RRAS2: variants seen among roughly 807,000 people sequenced by gnomAD.
The protein encoded by RRAS2 is RAS related 2.
RRAS2 carries 7 observed loss-of-function variants against 27.6 expected under a neutral mutation model. The observed-to-expected ratio is 0.25, with a 90% CI of 0.14 to 0.48. The LOEUF (loss-of-function observed/expected upper bound fraction) is 0.48, where lower values mean the gene tolerates loss of function less well. RRAS2 is among the 20% of genes least tolerant of loss of function. The pLI is 0.99. For missense variants in RRAS2, 178 were observed against 256.2 expected (o/e 0.69, Z 2.08); for synonymous variants, 86 against 90.9 (o/e 0.95, Z 0.31).
chr11:14,350,685 T>C (rs565003194), intron 1 of RRAS2, among the ~76,000 whole-genome samples: 2 of 151,726 alleles, frequency 1.3e-5, no homozygotes, highest in Non-Finnish European at 2.9e-5. Flanking sequence ...AAACTAACGA[T>C]AGCTGACGAG....
At chr11:14,323,088 A>T (rs1848261644) in intron 1 of RRAS2, among the ~76,000 whole-genome samples, 1 of 152,242 alleles carries the variant, frequency 6.6e-6, no homozygotes, top group Non-Finnish European at 1.5e-5. Context: ...ACTTTATGCA[A>T]TAAATATGAA....
intron 4 of RRAS2, among the ~76,000 whole-genome samples, chr11:14,289,465 G>A (rs1849751739): frequency 6.6e-6 from 1 of 152,082 alleles, no homozygotes; most frequent in African/African-American, 2.4e-5. Flanking sequence ...TTCAAGTGTT[G>A]TTATATTTAC....
rs1002441109 is a variant in RRAS2 at position 14,311,854 on chromosome 11, T to C, written c.109-15999A>G. On this transcript the variant is annotated intron_variant, in intron 1 of 5. Transcript: ENST00000256196. Reference sequence around the variant, plus strand: ...AACAAGATATGTCATGGTAGCTTTGTTACTGTGAAAAACTTTTTTTTTTTT... The same window carrying C: ...AACAAGATATGTCATGGTAGCTTTGCTACTGTGAAAAACTTTTTTTTTTTT... Among the ~76,000 whole-genome samples the C allele has an allele frequency of 2.2e-4, 33 of 151,912 alleles. 1 individual carries two copies. The highest frequency in any genetic ancestry group is 4.4e-4 in the Non-Finnish European group (30 of 67,958).
intron 1 of RRAS2, among the ~76,000 whole-genome samples, chr11:14,356,417 A>C (rs1344595616): frequency 6.6e-6 from 1 of 152,216 alleles, no homozygotes; most frequent in Non-Finnish European, 1.5e-5. Context: ...ATGTTACAGA[A>C]CTGTAGGCAT....
intron 1 of RRAS2, among the ~76,000 whole-genome samples, chr11:14,345,096 T>C (rs1304880031): frequency 2.6e-5 from 4 of 151,344 alleles, no homozygotes; most frequent in African/African-American, 9.7e-5. Context: ...AAGAGATTCT[T>C]CTGCCTTAGC....
At chr11:14,345,515 AGAC>A (rs2134028679) in intron 1 of RRAS2, among the ~76,000 whole-genome samples, 1 of 152,348 alleles carries the variant, frequency 6.6e-6, no homozygotes, top group East Asian at 1.9e-4. Flanking sequence ...AAGGTGAACC[AGAC>A]ACAGATCGTT....
chr11:14,280,401 T>C (rs1849491413), intron 5 of RRAS2, among the ~76,000 whole-genome samples: 2 of 152,156 alleles, frequency 1.3e-5, no homozygotes, highest in South Asian at 4.2e-4. Context: ...AAGTAGAAGA[T>C]CATCGCTCAG....
chr11:14,306,891 T>TAAA (rs11287532), intron 1 of RRAS2, among the ~76,000 whole-genome samples: 1 of 133,180 alleles, frequency 7.5e-6, no homozygotes, highest in South Asian at 2.4e-4. Flanking sequence ...TGTGCCAAGA[T>TAAA]AAAAAAAAAA....
At chr11:14,303,173 T>TG (rs1847755066) in intron 1 of RRAS2, among the ~76,000 whole-genome samples, 1 of 152,254 alleles carries the variant, frequency 6.6e-6, no homozygotes, top group Non-Finnish European at 1.5e-5. Context: ...TCTCAACTTC[T>TG]GTCTTATTAG....
chr11:14,304,909 A>G (rs748802756), intron 1 of RRAS2, among the ~76,000 whole-genome samples: 2 of 152,312 alleles, frequency 1.3e-5, no homozygotes, highest in East Asian at 1.9e-4. Flanking sequence ...AATGTTTCCA[A>G]TATGCTTGAT....
intron 1 of RRAS2, among the ~76,000 whole-genome samples, chr11:14,307,545 A>G (rs1210617615): frequency 6.6e-6 from 1 of 151,846 alleles, no homozygotes; most frequent in Non-Finnish European, 1.5e-5. Context: ...CCACCATTTT[A>G]CAGATGAGAC....
At chr11:14,283,123 G>A (rs1849583897) in intron 4 of RRAS2, among the ~76,000 whole-genome samples, 1 of 152,134 alleles carries the variant, frequency 6.6e-6, no homozygotes, top group Non-Finnish European at 1.5e-5. Flanking sequence ...GCGTTTATCA[G>A]GAATGGATGG....
At chr11:14,325,811 G>C (rs1320944757) in intron 1 of RRAS2, among the ~76,000 whole-genome samples, 1 of 152,128 alleles carries the variant, frequency 6.6e-6, no homozygotes, top group Non-Finnish European at 1.5e-5. Context: ...TGTAGAAGTA[G>C]TCTTTTTGTT....
At chr11:14,339,939 C>A (rs1188124124) in intron 1 of RRAS2, among the ~76,000 whole-genome samples, 1 of 151,746 alleles carries the variant, frequency 6.6e-6, no homozygotes, top group African/African-American at 2.4e-5. Flanking sequence ...TATGGAGAGA[C>A]CCCGTCCCTA....
intron 1 of RRAS2, among the ~76,000 whole-genome samples, chr11:14,333,711 C>G (rs527702566): frequency 9.4e-4 from 136 of 145,096 alleles, no homozygotes; most frequent in African/African-American, 3.1e-3. Context: ...GCAGCGATCA[C>G]AGCTCACTGC....
chr11:14,314,019 G>C (rs951780583), intron 1 of RRAS2, among the ~76,000 whole-genome samples: 5 of 152,124 alleles, frequency 3.3e-5, no homozygotes, highest in Admixed American at 2.0e-4. Context: ...CTTCATTGTA[G>C]AAAATCTGGA....
At chr11:14,337,389 C>T (rs11023190) in intron 1 of RRAS2, among the ~76,000 whole-genome samples, 6 of 151,972 alleles carry the variant, frequency 3.9e-5, no homozygotes, top group Non-Finnish European at 8.8e-5. Context: ...CATGCCTCAA[C>T]GATCCAGGAT....
At chr11:14,308,558 ACTTC>A (rs1386568126) in intron 1 of RRAS2, among the ~76,000 whole-genome samples, 3 of 152,196 alleles carry the variant, frequency 2.0e-5, no homozygotes, top group Non-Finnish European at 4.4e-5. Flanking sequence ...GCTATCGAGG[ACTTC>A]CTTGTTTTAA....
chr11:14,285,675 T>C (rs1290012367), intron 4 of RRAS2, among the ~76,000 whole-genome samples: 2 of 152,242 alleles, frequency 1.3e-5, no homozygotes, highest in Non-Finnish European at 2.9e-5. Context: ...TTATTTCATC[T>C]TCATTTCTGA....
Sources: gnomAD v4.1 joint callset for allele counts (sites outside exome capture counted in the v4.1 genomes callset) on GRCh38, gnomAD v4.1.1 for gene constraint, MANE v1.5 for transcripts, NCBI Gene and HGNC (gene_info 2026-07-23, HGNC 2026-07-21) for gene names.